Variants in DIP2A observed in about 807,000 individuals in gnomAD.
The protein encoded by DIP2A is disco-interacting protein 2 homolog A.
DIP2A carries 85 observed loss-of-function variants against 177.4 expected under a neutral mutation model. The ratio of observed to expected loss-of-function variants is 0.48; its 90% CI spans 0.40 to 0.57. DIP2A has a LOEUF of 0.57. Among genes scored for constraint, DIP2A ranks in the 20% least tolerant of loss-of-function variants. DIP2A has a pLI of 0.00. For synonymous variants in DIP2A, 886 were observed against 881.8 expected (o/e 1.00, Z -0.08); for missense variants, 1,791 against 2,100.2 (o/e 0.85, Z 2.88).
chr21:46,560,829 A>G lies in DIP2A; in HGVS notation c.4031+46A>G, dbSNP rs1342636876. 2.5e-6 allele frequency: 4 copies of G among 1,573,082 alleles called. No homozygotes were observed. In the South Asian group the frequency reaches 4.7e-5, roughly 18 times the overall value. ...GGGCCCCATGGATACCCAGTGGCAA[A>G]GTGATGCAAACCAGGTCTGCACTGA... On this transcript the variant is annotated intron_variant, in intron 33 of 37. Coordinates refer to ENST00000417564, the MANE Select transcript of DIP2A (RefSeq NM_015151.4).
chr21:46,536,804 T>G (rs1429522078), intron 13 of DIP2A, among the ~76,000 whole-genome samples: 3 of 151,724 alleles, frequency 2.0e-5, no homozygotes, highest in South Asian at 4.1e-4. Flanking sequence ...CTCGGGAGGC[T>G]CAGACAGGAG....
At chr21:46,583,820 C>T in the DIP2A span, among the ~76,000 whole-genome samples, 1 of 152,184 alleles carries the variant, frequency 6.6e-6, no homozygotes, top group African/African-American at 2.4e-5. Flanking sequence ...CCTCATTCTT[C>T]GATTTCCCAG....
At chr21:46,469,460 G>A (rs893055659) in intron 1 of DIP2A, among the ~76,000 whole-genome samples, 8 of 152,232 alleles carry the variant, frequency 5.3e-5, no homozygotes, top group African/African-American at 1.9e-4. Flanking sequence ...GTGCACTGTT[G>A]CTCCTGTCCT....
At chr21:46,539,514 A>G (rs2059717579) in intron 16 of DIP2A, 2 of 340,414 alleles carry the variant, frequency 5.9e-6, no homozygotes, top group African/African-American at 4.3e-5. Context: ...CCCATGGTGG[A>G]GTCAGAGTGT....
At chr21:46,505,809 A>C (rs2057950268) in intron 6 of DIP2A, among the ~76,000 whole-genome samples, 1 of 152,206 alleles carries the variant, frequency 6.6e-6, no homozygotes, top group African/African-American at 2.4e-5. Context: ...AGAATTTTAT[A>C]TAAAAGGAAT....
At chr21:46,558,482 C>T in intron 32 of DIP2A, 89 bp downstream of exon 32, 3 of 1,322,192 alleles carry the variant, frequency 2.3e-6, no homozygotes, top group Non-Finnish European at 3.1e-6. Context: ...CGTTTTGTAG[C>T]CGCCTGATCT....
rs989096740 is a variant in DIP2A at position 46,480,025 on chromosome 21, T to C, written c.92-4732T>C. Among the ~76,000 whole-genome samples, 4 of 152,270 alleles carry C rather than the reference T, an allele frequency of 2.6e-5. 1 individual carries two copies. Among genetic ancestry groups the C allele is most frequent in the Non-Finnish European group, 1.5e-5 (1 of 68,006 alleles). On this transcript the variant is annotated intron_variant, in intron 1 of 37. Transcript: ENST00000417564. The stretch of plus-strand genomic sequence containing the variant: ...CTCTTCACAGATTTTCCTCACCTTT[T>C]GTTCTGTGTCACGAGCTTGGAGACT...
chr21:46,561,728 A>G lies in DIP2A; in HGVS notation c.4032-20A>G. The G allele has an allele frequency of 1.2e-6, 2 of 1,613,918 alleles. No homozygotes were observed. The highest frequency in any genetic ancestry group is 1.1e-5 in the South Asian group (1 of 91,088). On this transcript the variant is annotated intron_variant, in intron 33 of 37. Coordinates refer to ENST00000417564, the MANE Select transcript of DIP2A (RefSeq NM_015151.4). The stretch of plus-strand genomic sequence containing the variant: ...CCTGTGTAGTAAATTTTGTACTGAA[A>G]TTGTTCCCTTAATTTTTAGGGTTCG...
intron 1 of DIP2A, among the ~76,000 whole-genome samples, chr21:46,477,282 C>T (rs1181263685): frequency 6.6e-6 from 1 of 151,920 alleles, no homozygotes; most frequent in Non-Finnish European, 1.5e-5. Context: ...TGGTGGCTCA[C>T]GTCTGTAATC....
intron 35 of DIP2A, among the ~76,000 whole-genome samples, chr21:46,564,575 T>C (rs966499036): frequency 6.6e-6 from 1 of 150,922 alleles, no homozygotes; most frequent in East Asian, 1.9e-4. Flanking sequence ...TCTGTTGTCA[T>C]GGGAGCATAA....
At chr21:46,496,781 T>C (rs1018667096) in intron 3 of DIP2A, among the ~76,000 whole-genome samples, 1 of 152,168 alleles carries the variant, frequency 6.6e-6, no homozygotes, top group African/African-American at 2.4e-5. Context: ...TTTTGATTTA[T>C]AACTAAGGAA....
Position 46,531,184 on chromosome 21 carries a change from G to A in DIP2A, c.1195-943G>A, listed in dbSNP as rs376019462. 1.4e-4 allele frequency among the ~76,000 whole-genome samples: 22 copies of A among 152,128 alleles called. 1 individual carries two copies. The East Asian group carries it at 2.3e-3, about 16-fold the overall frequency. On this transcript the variant is annotated intron_variant, in intron 9 of 37. Coordinates refer to ENST00000417564, the MANE Select transcript of DIP2A (RefSeq NM_015151.4). ...CCATCAGGAGAACCAAGACTCCAGG[G>A]TGGGGTGGAATCCTCAGCACCCACC...
intron 1 of DIP2A, among the ~76,000 whole-genome samples, chr21:46,466,100 A>T (rs955679797): frequency 1.3e-5 from 2 of 152,156 alleles, no homozygotes; most frequent in African/African-American, 4.8e-5. Context: ...TCAATAGTTA[A>T]CGACTTCTTT....
chr21:46,573,674 AAAAAAAAAAGATAT>A (rs2060979832), downstream of DIP2A, among the ~76,000 whole-genome samples: 8 of 140,124 alleles, frequency 5.7e-5, no homozygotes, highest in African/African-American at 2.2e-4. Context: ...AAAAAAAAAA[AAAAAAAAAAGATAT>A]TCCATGCAAA....
chr21:46,535,185 T>C (rs1244466473), intron 13 of DIP2A, among the ~76,000 whole-genome samples: 1 of 152,236 alleles, frequency 6.6e-6, no homozygotes, highest in Non-Finnish European at 1.5e-5. Flanking sequence ...TTTATGGTTA[T>C]AGATGATCTG....
rs1183464753 is a variant in DIP2A at position 46,567,639 on chromosome 21, C to T, written c.*17C>T. The T allele has an allele frequency of 6.4e-7, 1 of 1,561,190 alleles. No individual in the cohort carries two copies. The highest frequency in any genetic ancestry group is 8.7e-7 in the Non-Finnish European group (1 of 1,150,942). On this transcript the variant is annotated 3_prime_UTR_variant, in exon 38 of 38. Coordinates refer to ENST00000417564, the MANE Select transcript of DIP2A (RefSeq NM_015151.4). The stretch of plus-strand genomic sequence containing the variant: ...AACATGTGAGCGCAGCACACCGGCC[C>T]AGGTGCCGGAGATGAATGAGCCCCA...
At chr21:46,493,059 A>G (rs1486164637) in intron 3 of DIP2A, among the ~76,000 whole-genome samples, 1 of 152,154 alleles carries the variant, frequency 6.6e-6, no homozygotes, top group Non-Finnish European at 1.5e-5. Context: ...CTCACCGGAC[A>G]CCAACCATGA....
In DIP2A at chr21:46,511,520, G is replaced by C. The variant is rs568238711; in HGVS notation, c.1008G>C (p.Leu336Phe). 1 of 1,612,480 alleles carries C rather than the reference G, an allele frequency of 6.2e-7. No individual in the cohort carries two copies. Among genetic ancestry groups the C allele is most frequent in the African/African-American group, 1.3e-5 (1 of 74,924 alleles). ...GTGTCCCCCGACCGCCGTCGCTGTT[G>C]GCCACCTTGCAGCGCTGGGGCACAA... ...TAGVPRPPSL[L>F]ATLQRWGTTQ... is the part of the protein sequence containing the mutation. The change falls in exon 8 of 38, where the codon TTG becomes TTC. Residue 336 changes from leucine (L) to phenylalanine (F), a missense_variant. Physicochemically the swap from Leu to Phe is conservative, Grantham distance 22 (BLOSUM62 0). Transcript: ENST00000417564.
At chr21:46,558,038 G>T (rs574180367) in intron 31 of DIP2A, among the ~76,000 whole-genome samples, 185 bp from the exon 32 acceptor site, 3 of 152,206 alleles carry the variant, frequency 2.0e-5, no homozygotes, top group Non-Finnish European at 4.4e-5. Flanking sequence ...TGGGATGCAG[G>T]TCAGATGGGA....
Sources: gnomAD v4.1 joint callset for allele counts (sites outside exome capture counted in the v4.1 genomes callset) on GRCh38, gnomAD v4.1.1 for gene constraint, MANE v1.5 for transcripts, NCBI Gene and HGNC (gene_info 2026-07-23, HGNC 2026-07-21) for gene names.